The following SGSH variants were observed in gnomAD, a reference collection of about 807,000 sequenced individuals.
The protein encoded by SGSH is heparan sulfate sulfatase.
SGSH carries 48 observed loss-of-function variants against 51.0 expected under a neutral mutation model. The ratio of observed to expected loss-of-function variants is 0.94; its 90% CI spans 0.75 to 1.20. SGSH has a LOEUF of 1.20. Ranked by LOEUF, SGSH falls within the 50% of genes most tolerant of loss-of-function variation. The pLI, the probability that SGSH is intolerant of heterozygous loss-of-function variation, is 0.00. For missense variants in SGSH, 662 were observed against 717.8 expected (o/e 0.92, Z 0.89); for synonymous variants, 321 against 313.4 (o/e 1.02, Z -0.26).
At chr17:80,214,997 T>G in intron 3 of SGSH, 36 bp downstream of exon 3, 1 of 1,563,852 alleles carries the variant, frequency 6.4e-7, no homozygotes, top group Non-Finnish European at 8.7e-7. Context: ...CCTCTGTGCC[T>G]CACCCCACGC....
chr17:80,209,149 G>T, downstream of SGSH: 1 of 236,436 alleles, frequency 4.2e-6, no homozygotes, highest in Non-Finnish European at 6.9e-6. Context: ...GCTCGGGGAG[G>T]ACCCAGGTCC....
intron 1 of SGSH, 150 bp downstream of exon 1, chr17:80,220,076 G>A (rs2042087697): frequency 1.8e-6 from 1 of 567,924 alleles, no homozygotes; most frequent in East Asian, 3.4e-5. Flanking sequence ...GTCTGGGGGC[G>A]GCACAGAGAG....
downstream of SGSH, chr17:80,201,984 G>A: frequency 2.1e-6 from 3 of 1,401,560 alleles, no homozygotes; most frequent in South Asian, 1.4e-5. This position sits in a 1 kb window ranked among gnomAD's most constrained non-coding sequence, Gnocchi z 5.0. Flanking sequence ...AGCCAAGAGA[G>A]GATCAGCCAG....
rs1435704831 is a variant in SGSH, at chr17:80,209,607, G to C, written c.*845C>G. On this transcript the variant is annotated 3_prime_UTR_variant, in exon 8 of 8. Transcript: ENST00000326317. Reference sequence around the variant, plus strand: ...GTCACCGAAGAATTAACCCAAGGCAGAGGATGGGCATTGCCACCCAGCAAC... The same window carrying C: ...GTCACCGAAGAATTAACCCAAGGCACAGGATGGGCATTGCCACCCAGCAAC... 1.1e-6 allele frequency: 1 copy of C among 926,084 alleles called. No individual in the cohort carries two copies. The highest frequency in any genetic ancestry group is 1.3e-6 in the Non-Finnish European group (1 of 777,136). 57.4% of individuals were successfully genotyped at this position (926,084 alleles called of 1,614,324 possible).
chr17:80,217,269 G>T, intron 1 of SGSH, 77 bp from the exon 2 acceptor site: 1 of 1,519,480 alleles, frequency 6.6e-7, no homozygotes, highest in Non-Finnish European at 8.9e-7. Context: ...GGGAGGCTGG[G>T]ACTGTGATGC....
downstream of SGSH, chr17:80,202,443 G>C: frequency 6.2e-7 from 1 of 1,603,760 alleles, no homozygotes; most frequent in Non-Finnish European, 8.5e-7. Flanking sequence ...CTCGAGCTCG[G>C]TGCGTCCCCA....
rs2041597805 is a variant in SGSH, at chr17:80,210,534, TG to T, written c.1426del (p.His476ThrfsTer115). The T allele has an allele frequency of 1.9e-6, 3 of 1,611,798 alleles. No homozygotes were observed. The highest frequency in any genetic ancestry group is 2.5e-6 in the Non-Finnish European group (3 of 1,179,798). On this transcript the variant is annotated frameshift_variant, in exon 8 of 8. Coordinates refer to ENST00000326317, the MANE Select transcript of SGSH (RefSeq NM_000199.5). LOFTEE classifies it high-confidence loss of function. The part of the protein sequence containing the change: ...DQLAKWQWET[H>X]DPWVCAPDGV... Reference sequence around the variant, plus strand: ...GTCGGGGGCGCACACCCAGGGGTCGTGGGTCTCCCACTGCCACTTGGCCAGC... The same window carrying T: ...GTCGGGGGCGCACACCCAGGGGTCGTGGTCTCCCACTGCCACTTGGCCAGC...
In SGSH at chr17:80,214,782, G is replaced by A. The variant is rs753250245; in HGVS notation, c.356-17C>T. 2.5e-6 allele frequency: 4 copies of A among 1,608,436 alleles called. No individual in the cohort carries two copies. The highest frequency in any genetic ancestry group is 3.4e-6 in the Non-Finnish European group (4 of 1,179,862). ...CGATGATGCCTGGGCGGGAAGAGAG[G>A]CCTGGCCAGAGTCCCTTCAGCCTCC... On this transcript the variant is annotated splice_polypyrimidine_tract_variant and intron_variant, in intron 3 of 7. Coordinates refer to ENST00000326317, the MANE Select transcript of SGSH (RefSeq NM_000199.5).
chr17:80,205,750 G>A (rs1339654704), downstream of SGSH: 1 of 1,272,544 alleles, frequency 7.9e-7, no homozygotes. Context: ...ACCGACCTGA[G>A]ACCTGGGTGA....
chr17:80,203,936 G>A (rs1445463052), downstream of SGSH: 2 of 1,455,478 alleles, frequency 1.4e-6, no homozygotes, highest in Non-Finnish European at 1.9e-6. This position sits in a 1 kb window ranked among gnomAD's most constrained non-coding sequence, Gnocchi z 4.6. Flanking sequence ...CTGGAAGAGG[G>A]GCTCGGTGCT....
the SGSH span, chr17:80,201,460 TTTTTC>T: frequency 4.7e-6 from 2 of 422,414 alleles, no homozygotes; most frequent in Admixed American, 4.2e-5. This position sits in a 1 kb window ranked among gnomAD's most constrained non-coding sequence, Gnocchi z 5.0. Flanking sequence ...TTTTCTTTTC[TTTTTC>T]AAGACAGGAA....
intron 4 of SGSH, 62 bp from the exon 5 acceptor site, chr17:80,214,390 C>G: frequency 6.4e-7 from 1 of 1,565,906 alleles, no homozygotes; most frequent in Admixed American, 1.8e-5. Context: ...ACAGGAAGCC[C>G]CTCGGCTCTG....
intron 1 of SGSH, among the ~76,000 whole-genome samples, chr17:80,219,281 A>T (rs1168038623): frequency 6.6e-6 from 1 of 152,158 alleles, no homozygotes; most frequent in Non-Finnish European, 1.5e-5. Context: ...CTGTAAGCCG[A>T]AAGTGGACCC....
chr17:80,217,196 C>T lies in SGSH; in HGVS notation c.89-4G>A, dbSNP rs375536965. 5.4e-5 allele frequency: 87 copies of T among 1,596,646 alleles called. No individual in the cohort carries two copies. In the African/African-American group the frequency reaches 9.7e-4, roughly 18 times the overall value. On this transcript the variant is annotated splice_region_variant and splice_polypyrimidine_tract_variant and intron_variant, in intron 1 of 7. Coordinates refer to ENST00000326317, the MANE Select transcript of SGSH (RefSeq NM_000199.5). ...CTCTCAAAGCCTCCGTCATCCGCTG[C>T]GTGAGGTGGGAGACAGAGAGTGCAC...
chr17:80,207,786 C>A (rs2041416148), downstream of SGSH: 1 of 259,270 alleles, frequency 3.9e-6, no homozygotes, highest in Non-Finnish European at 7.2e-6. Context: ...AAGGCCAGAA[C>A]CCCACCCGGC....
chr17:80,214,207 A>C lies in SGSH; in HGVS notation c.628T>G (p.Trp210Gly), dbSNP rs1268158872. The C allele has an allele frequency of 1.2e-6, 2 of 1,612,258 alleles. No individual in the cohort carries two copies. The highest frequency in any genetic ancestry group is 1.7e-6 in the Non-Finnish European group (2 of 1,179,760). The stretch of plus-strand genomic sequence containing the variant: ...AGTGGGTCGTAGGCCTGGGGGGTCC[A>C]GTCTGGGATACGACCCATGCCGCTC... ...GESGMGRIPD[W>G]TPQAYDPLDV... The change falls in exon 5 of 8, where the codon TGG (tryptophan) becomes GGG (glycine). Residue 210 changes from tryptophan to glycine, a missense_variant. By Grantham distance (184) the Trp-to-Gly change is radical. Coordinates refer to ENST00000326317, the MANE Select transcript of SGSH (RefSeq NM_000199.5).
At chr17:80,201,951 G>A (rs1031626739), downstream of SGSH, 15 of 1,495,512 alleles carry the variant, frequency 1.0e-5, no homozygotes, top group South Asian at 5.3e-5. The surrounding 1 kb of genome is among the most constrained non-coding windows in gnomAD (Gnocchi z 5.0). Flanking sequence ...TCTTCTGCAC[G>A]CCCAGCAGCC....
At chr17:80,219,409 C>G (rs1371750004) in intron 1 of SGSH, among the ~76,000 whole-genome samples, 1 of 152,170 alleles carries the variant, frequency 6.6e-6, no homozygotes, top group East Asian at 1.9e-4. Flanking sequence ...AGGCCCTAGC[C>G]CAGGGGCCGC....
Position 80,212,688 on chromosome 17 carries a change from G to GAGAT in SGSH, c.746-415_746-414insATCT. On this transcript the variant is annotated intron_variant, in intron 6 of 7. Transcript: ENST00000326317. This position sits in a 1 kb window ranked among gnomAD's most constrained non-coding sequence, Gnocchi z 5.9. ...AGAGGACAAGGCTTCCTCTATACCCGCTCCTTCCCAGCTCACTAAGAATTA... is the reference window on the plus strand; with the variant it reads ...AGAGGACAAGGCTTCCTCTATACCCGAGATCTCCTTCCCAGCTCACTAAGAATTA... 1 of 314,896 alleles carries GAGAT rather than the reference G, an allele frequency of 3.2e-6. No homozygotes were observed. The highest frequency in any genetic ancestry group is 6.2e-6 in the Non-Finnish European group (1 of 161,560). The allele number at this position is 314,896 out of a possible 1,614,324, so 19.5% of individuals were successfully genotyped here.
Sources: allele counts gnomAD v4.1 joint callset (sites outside exome capture counted in the v4.1 genomes callset), GRCh38; gene constraint gnomAD v4.1.1; non-coding constraint Gnocchi (gnomAD v3.1); transcripts MANE v1.5; gene names NCBI Gene and HGNC (gene_info 2026-07-23, HGNC 2026-07-21).